The following PLXNC1 variants were observed in gnomAD, a reference collection of about 807,000 sequenced individuals.
PLXNC1 encodes the protein plexin-C1.
A neutral mutation model predicts 178.2 loss-of-function variants in PLXNC1; 75 were observed. That is an observed-to-expected ratio of 0.42 (90% confidence interval 0.35 to 0.51). PLXNC1 has a LOEUF of 0.51. Among genes scored for constraint, PLXNC1 ranks in the 20% least tolerant of loss-of-function variants. The probability of loss-of-function intolerance (pLI) is 0.02; values close to 1 mark genes in which losing one functional copy is unlikely to be tolerated. For missense variants in PLXNC1, 1,503 were observed against 1,984.4 expected (o/e 0.76, Z 4.61); for synonymous variants, 790 against 779.9 (o/e 1.01, Z -0.22).
At chr12:94,201,728 C>G (rs573052616) in intron 4 of PLXNC1, among the ~76,000 whole-genome samples, 1 of 143,866 alleles carries the variant, frequency 7.0e-6, no homozygotes, top group South Asian at 2.2e-4. Context: ...TTCCTTCTGC[C>G]TGGACTGCTC....
At chr12:94,303,607 C>A in intron 28 of PLXNC1, 149 bp from the exon 29 acceptor site, 1 of 578,054 alleles carries the variant, frequency 1.7e-6, no homozygotes, top group Non-Finnish European at 2.9e-6. Flanking sequence ...ACATTTAAGG[C>A]CTACTGCATG....
chr12:94,279,714 C>T, intron 22 of PLXNC1, 65 bp downstream of exon 22: 1 of 1,395,524 alleles, frequency 7.2e-7, no homozygotes, highest in South Asian at 1.2e-5. Context: ...CCTGCCCTCC[C>T]TCCCTGTCCC....
rs1489862607 is a variant in PLXNC1, at chr12:94,149,247, G to C, written c.276G>C (p.Ser92=). 2 of 1,553,150 alleles carry C rather than the reference G, an allele frequency of 1.3e-6. No individual in the cohort carries two copies. Among genetic ancestry groups the C allele is most frequent in the Non-Finnish European group, 1.7e-6 (2 of 1,157,390 alleles). The change falls in exon 1 of 31, where the codon TCG becomes TCC. Residue 92 remains serine (S), a synonymous_variant. Transcript: ENST00000258526. ...DQAGNCTEPV[S]LAPPARPRPG... The stretch of plus-strand genomic sequence containing the variant: ...CGGGCAACTGCACAGAGCCGGTCTC[G>C]CTGGCGCCCCCCGCGCGGCCCCGGC...
At chr12:94,203,425 T>G (rs1184674183) in intron 4 of PLXNC1, among the ~76,000 whole-genome samples, 1 of 152,250 alleles carries the variant, frequency 6.6e-6, no homozygotes, top group Non-Finnish European at 1.5e-5. Context: ...AATAGAACCC[T>G]ACTTTAATAT....
rs565700147 is a variant in PLXNC1, at chr12:94,257,494, C to T, written c.3088-1843C>T. Among the ~76,000 whole-genome samples the T allele has an allele frequency of 3.3e-5, 5 of 152,274 alleles. No individual in the cohort carries two copies. The East Asian group carries it at 9.6e-4, about 29-fold the overall frequency. On this transcript the variant is annotated intron_variant, in intron 17 of 30. Transcript: ENST00000258526. ...CCTTAAAACTCAGAGAGCCACGGGT[C>T]CAGGCGCGGTGGCTCAAGCCTGTAA...
Position 94,259,355 on chromosome 12 carries a change from A to T in PLXNC1, c.3106A>T (p.Ile1036Phe), listed in dbSNP as rs747186696. 79 of 1,596,574 alleles carry T rather than the reference A, an allele frequency of 4.9e-5. No homozygotes were observed. Among genetic ancestry groups the T allele is most frequent in the Non-Finnish European group, 6.6e-5 (78 of 1,174,944 alleles). ...CTCTCAGTCAGGTGGCTTCACCCAC[A>T]TCTTCACTGAAGATATGCATGTAAG... ...FFPESGGFTH[I>F]FTEDMHNRDA... The change falls in exon 18 of 31, where the codon ATC (isoleucine) becomes TTC (phenylalanine). Residue 1036 changes from isoleucine to phenylalanine, a missense_variant. By Grantham distance (21) the Ile-to-Phe change is conservative. Around this residue, in one of 4 missense-constraint regions of PLXNC1, gnomAD observed 639 missense variants for 979.7 expected, o/e 0.65. Transcript: ENST00000258526.
chr12:94,181,726 C>A, intron 3 of PLXNC1, 146 bp downstream of exon 3: 1 of 624,344 alleles, frequency 1.6e-6, no homozygotes, highest in South Asian at 2.0e-5. Context: ...GGTTCACAGG[C>A]ACGGAATTAA....
At position 94,149,651 on chromosome 12, in the gene PLXNC1, A is replaced by G; in HGVS notation, c.680A>G (p.Glu227Gly). The G allele has an allele frequency of 6.2e-7, 1 of 1,604,486 alleles. No individual in the cohort carries two copies. Among genetic ancestry groups the G allele is most frequent in the Non-Finnish European group, 8.5e-7 (1 of 1,175,872 alleles). Residue 227 changes from glutamate (E) to glycine (G), a missense_variant, in exon 1 of 31, where the codon GAG becomes GGG. Glu to Gly is a moderately conservative substitution (Grantham distance 98, BLOSUM62 -2). Transcript: ENST00000258526. ...GAGCTGGGGCGCCTCAAGCTGTGCG[A>G]GGGCGCGGGCAGCCTGCACTTCGTG... is the stretch of plus-strand genomic sequence containing the variant. The part of the protein sequence containing the change: ...TQELGRLKLC[E>G]GAGSLHFVDA...
intron 5 of PLXNC1, among the ~76,000 whole-genome samples, chr12:94,218,003 G>C (rs1048882712): frequency 3.9e-5 from 6 of 152,216 alleles, no homozygotes; most frequent in African/African-American, 1.4e-4. Context: ...CTTTAAAAGA[G>C]TTGGTGAAAA....
In PLXNC1 at chr12:94,307,058, T is replaced by G. The variant is rs1969104975; in HGVS notation, c.*1773T>G. ...GCCCAAAAGACTTCCCCTACTACTT[T>G]AGGGTACTGAAAACTCAAAGGATCA... On this transcript the variant is annotated 3_prime_UTR_variant, in exon 31 of 31. Transcript: ENST00000258526. The G allele has an allele frequency of 6.6e-6, 1 of 152,148 alleles. No homozygotes were observed. Among genetic ancestry groups the G allele is most frequent in the Admixed American group, 6.5e-5 (1 of 15,272 alleles). The allele number at this position is 152,148 out of a possible 1,614,324, so 9.4% of individuals were successfully genotyped here.
chr12:94,267,408 C>T (rs1206570272), intron 21 of PLXNC1, among the ~76,000 whole-genome samples: 1 of 145,882 alleles, frequency 6.9e-6, no homozygotes, highest in Non-Finnish European at 1.5e-5. Flanking sequence ...TGTTAACACT[C>T]GACTCATCAT....
At chr12:94,269,892 C>T (rs991739368) in intron 21 of PLXNC1, among the ~76,000 whole-genome samples, 7 of 152,186 alleles carry the variant, frequency 4.6e-5, no homozygotes, top group Non-Finnish European at 1.0e-4. Flanking sequence ...GTCATTCCCT[C>T]GTTGATGGCA....
intron 2 of PLXNC1, among the ~76,000 whole-genome samples, chr12:94,169,621 C>T (rs916178247): frequency 1.2e-4 from 18 of 152,174 alleles, no homozygotes; most frequent in African/African-American, 4.1e-4. Context: ...GACATGTAAC[C>T]TTTTAGTTCT....
intron 2 of PLXNC1, among the ~76,000 whole-genome samples, chr12:94,178,373 C>A (rs556273447): frequency 3.5e-4 from 53 of 152,238 alleles, no homozygotes; most frequent in African/African-American, 1.3e-3. Flanking sequence ...ATGCTTTTGC[C>A]ATGATGAATT....
In PLXNC1 at chr12:94,209,609, T is replaced by A. The variant is rs1317607639; in HGVS notation, c.1459T>A (p.Cys487Ser). 1 of 1,612,130 alleles carries A rather than the reference T, an allele frequency of 6.2e-7. No individual in the cohort carries two copies. Residue 487 changes from cysteine to serine, a missense_variant, in exon 5 of 31, where the codon TGT becomes AGT. By Grantham distance (112) the Cys-to-Ser change is moderately radical. This residue lies in a region of PLXNC1 where 615 missense variants were observed against 698.6 expected (regional missense o/e 0.88). Coordinates refer to ENST00000258526, the MANE Select transcript of PLXNC1 (RefSeq NM_005761.3). Reference protein sequence around the residue: ...SLQRCTFQGDCVHSENLENWL... With the variant: ...SLQRCTFQGDSVHSENLENWL... ...TTTTAGGTGCACTTTTCAAGGAGATTGTGTACATTCAGAGAACTTAGAAAA... is the reference window on the plus strand; with the variant it reads ...TTTTAGGTGCACTTTTCAAGGAGATAGTGTACATTCAGAGAACTTAGAAAA...
intron 30 of PLXNC1, 58 bp from the exon 31 acceptor site, chr12:94,305,123 A>C: frequency 7.2e-6 from 8 of 1,110,298 alleles, no homozygotes; most frequent in Non-Finnish European, 1.1e-5. Flanking sequence ...GTATGCAAAA[A>C]ACAGAATTGT....
intron 1 of PLXNC1, among the ~76,000 whole-genome samples, chr12:94,150,238 A>G (rs1317692016): frequency 6.6e-6 from 1 of 152,132 alleles, no homozygotes; most frequent in Non-Finnish European, 1.5e-5. Flanking sequence ...TGAGGTCCCC[A>G]AAGGGAGAGT....
At chr12:94,239,060 C>A (rs1452185882) in intron 10 of PLXNC1, among the ~76,000 whole-genome samples, 6 of 152,160 alleles carry the variant, frequency 3.9e-5, no homozygotes, top group African/African-American at 1.2e-4. Flanking sequence ...CGGAGCATTA[C>A]CCTGTTTCTG....
At chr12:94,208,493 T>G (rs914866717) in intron 4 of PLXNC1, among the ~76,000 whole-genome samples, 2 of 152,234 alleles carry the variant, frequency 1.3e-5, no homozygotes, top group Non-Finnish European at 2.9e-5. Flanking sequence ...ATACACTGTT[T>G]GGGCCCATCC....
Sources: gnomAD v4.1 joint callset for allele counts (sites outside exome capture counted in the v4.1 genomes callset) on GRCh38, gnomAD v4.1.1 for gene constraint, gnomAD v4.1.1 regional missense constraint, MANE v1.5 for transcripts, NCBI Gene and HGNC (gene_info 2026-07-23, HGNC 2026-07-21) for gene names.